The following PRKCA variants were observed in gnomAD, a reference collection of about 807,000 sequenced individuals.
PRKCA encodes the protein protein kinase C alpha type.
In PRKCA, 27 loss-of-function variants were observed where a neutral mutation model predicts 87.0. That is an observed-to-expected ratio of 0.31 (90% CI 0.23 to 0.43). The LOEUF (loss-of-function observed/expected upper bound fraction) is 0.43, where lower values mean the gene tolerates loss of function less well. PRKCA is among the 20% of genes least tolerant of loss of function. PRKCA has a pLI of 1.00. For missense variants in PRKCA, 518 were observed against 852.3 expected, an observed-to-expected ratio of 0.61 and a Z score of 4.88; for synonymous variants, 329 against 311.1, an observed-to-expected ratio of 1.06 and a Z score of -0.61.
intron 9 of PRKCA, among the ~76,000 whole-genome samples, chr17:66,733,340 A>C (rs1973950742): frequency 6.6e-6 from 1 of 152,322 alleles, no homozygotes; most frequent in South Asian, 2.1e-4. Context: ...TTTATGCCTC[A>C]CAGGGTCCAT....
intron 2 of PRKCA, among the ~76,000 whole-genome samples, chr17:66,489,754 T>C (rs906143242): frequency 6.6e-6 from 1 of 151,768 alleles, no homozygotes; most frequent in Non-Finnish European, 1.5e-5. Flanking sequence ...TTCCTTCCTT[T>C]CCCTTTCCCT....
chr17:66,416,032 C>T (rs1263829323), intron 2 of PRKCA: 2 of 152,180 alleles, frequency 1.3e-5, no homozygotes, highest in African/African-American at 4.8e-5. Flanking sequence ...GACTGGCACA[C>T]AGTGGGCATT....
intron 2 of PRKCA, among the ~76,000 whole-genome samples, chr17:66,429,191 T>A (rs1291946030): frequency 6.6e-6 from 1 of 152,190 alleles, no homozygotes; most frequent in Non-Finnish European, 1.5e-5. Context: ...CATAAATATG[T>A]GTTAAATAAA....
intron 3 of PRKCA, among the ~76,000 whole-genome samples, chr17:66,539,212 C>G (rs892706766): frequency 6.6e-6 from 1 of 152,076 alleles, no homozygotes; most frequent in Non-Finnish European, 1.5e-5. Context: ...TTTAAAAACT[C>G]CTTTGCACTC....
intron 13 of PRKCA, among the ~76,000 whole-genome samples, chr17:66,771,006 CTTT>C (rs5821504): frequency 1.4e-5 from 2 of 141,722 alleles, no homozygotes; most frequent in Admixed American, 7.1e-5. Context: ...GGCAATGTGT[CTTT>C]TTTTTTTTTT....
chr17:66,511,306 T>A (rs1029521517), intron 3 of PRKCA, among the ~76,000 whole-genome samples: 3 of 152,322 alleles, frequency 2.0e-5, no homozygotes, highest in African/African-American at 7.2e-5. Flanking sequence ...GTATTATGAC[T>A]CATTTGTTCT....
At chr17:66,414,097 G>T (rs1257551981) in intron 2 of PRKCA, among the ~76,000 whole-genome samples, 3 of 151,944 alleles carry the variant, frequency 2.0e-5, no homozygotes, top group East Asian at 3.9e-4. Flanking sequence ...ATTTATAAGG[G>T]TTTCAGGAGC....
At chr17:66,544,113 G>A (rs1032549275) in intron 3 of PRKCA, among the ~76,000 whole-genome samples, 1 of 152,112 alleles carries the variant, frequency 6.6e-6, no homozygotes, top group African/African-American at 2.4e-5. Context: ...TACTGGGGTG[G>A]TGGGGGGAGC....
At chr17:66,468,830 C>T (rs1341934577) in intron 2 of PRKCA, among the ~76,000 whole-genome samples, 2 of 152,190 alleles carry the variant, frequency 1.3e-5, no homozygotes, top group Non-Finnish European at 2.9e-5. Context: ...CTTCCTCTCA[C>T]CTCCAGAAAT....
intron 3 of PRKCA, among the ~76,000 whole-genome samples, chr17:66,527,986 T>G (rs1009166856): frequency 5.9e-5 from 9 of 151,944 alleles, no homozygotes; most frequent in Non-Finnish European, 1.3e-4. Context: ...TCACTTGAGG[T>G]CTGGAGTTCG....
rs1242868014 is a variant in PRKCA, at chr17:66,302,764, G to T, written c.-88G>T. ...CGCCCCGCGCCCGGGGTCGCCCCGA[G>T]CCCGCACCTCTCCCCCGCCGCCCCC... is the stretch of plus-strand genomic sequence containing the variant. On this transcript the variant is annotated 5_prime_UTR_variant, in exon 1 of 17. Coordinates refer to ENST00000413366, the MANE Select transcript of PRKCA (RefSeq NM_002737.3). 2 of 1,237,258 alleles carry T rather than the reference G, an allele frequency of 1.6e-6. No homozygotes were observed. Among genetic ancestry groups the T allele is most frequent in the Non-Finnish European group, 2.1e-6 (2 of 959,208 alleles). 76.6% of individuals were successfully genotyped at this position (1,237,258 alleles called of 1,614,324 possible).
chr17:66,470,895 T>G (rs1184596115), intron 2 of PRKCA, among the ~76,000 whole-genome samples: 2 of 152,180 alleles, frequency 1.3e-5, no homozygotes, highest in Admixed American at 6.5e-5. Flanking sequence ...CATCTCCAAC[T>G]AAGAGTGTGT....
chr17:66,666,158 C>T (rs1016036821), intron 5 of PRKCA, among the ~76,000 whole-genome samples: 2 of 152,206 alleles, frequency 1.3e-5, no homozygotes, highest in Middle Eastern at 3.2e-3. Context: ...AGCACCATCA[C>T]ATAGACTACA....
intron 2 of PRKCA, among the ~76,000 whole-genome samples, chr17:66,392,266 T>C (rs971309083): frequency 1.3e-5 from 2 of 151,446 alleles, no homozygotes; most frequent in Non-Finnish European, 2.9e-5. Flanking sequence ...TACAGAGGAC[T>C]ACGTGCTTTG....
chr17:66,357,872 C>T (rs1038531508), intron 2 of PRKCA, among the ~76,000 whole-genome samples: 5 of 152,086 alleles, frequency 3.3e-5, no homozygotes, highest in Non-Finnish European at 5.9e-5. Context: ...GGATTCTAAA[C>T]GGTACCTTGG....
chr17:66,605,862 A>T (rs573912074), intron 3 of PRKCA, among the ~76,000 whole-genome samples: 1 of 152,332 alleles, frequency 6.6e-6, no homozygotes, highest in South Asian at 2.1e-4. Flanking sequence ...TTTATGTGAA[A>T]CATCCAGAAT....
intron 5 of PRKCA, among the ~76,000 whole-genome samples, chr17:66,674,599 G>A (rs191505844): frequency 2.0e-5 from 3 of 152,260 alleles, no homozygotes; most frequent in South Asian, 4.2e-4. Flanking sequence ...GCCAGAAGAC[G>A]GAGCGTCACT....
chr17:66,739,849 C>T (rs530194781), intron 11 of PRKCA, among the ~76,000 whole-genome samples: 1 of 152,104 alleles, frequency 6.6e-6, no homozygotes, highest in South Asian at 2.1e-4. Context: ...AGAGGGAAGG[C>T]ACTGCAGTGG....
intron 14 of PRKCA, among the ~76,000 whole-genome samples, chr17:66,782,948 C>A (rs544302615): frequency 6.6e-6 from 1 of 152,224 alleles, no homozygotes; most frequent in Non-Finnish European, 1.5e-5. Flanking sequence ...CTGCACAGCA[C>A]GTGACATGCA....
Sources: allele counts gnomAD v4.1 joint callset (sites outside exome capture counted in the v4.1 genomes callset), GRCh38; gene constraint gnomAD v4.1.1; transcripts MANE v1.5; gene names NCBI Gene and HGNC (gene_info 2026-07-23, HGNC 2026-07-21).